ZRANB3: variants seen among roughly 807,000 people sequenced by gnomAD.
The protein encoded by ZRANB3 is zinc finger RANBP2-type containing 3.
In ZRANB3, 125 loss-of-function variants were observed where a neutral mutation model predicts 133.8. That is an observed-to-expected ratio of 0.93 (90% CI 0.81 to 1.08). The LOEUF (loss-of-function observed/expected upper bound fraction) is 1.08. ZRANB3 is among the 50% of genes least tolerant of loss of function. The probability of loss-of-function intolerance (pLI) is 0.00; values close to 1 mark genes in which losing one functional copy is unlikely to be tolerated. For synonymous variants in ZRANB3, 387 were observed against 432.7 expected (o/e 0.89, Z 1.31); for missense variants, 1,229 against 1,275.5 (o/e 0.96, Z 0.56).
At chr2:135,332,511 G>C (rs943041842) in intron 6 of ZRANB3, among the ~76,000 whole-genome samples, 4 of 152,058 alleles carry the variant, frequency 2.6e-5, no homozygotes, top group African/African-American at 4.8e-5. Context: ...CTGAATATGA[G>C]ATTCCTCTCA....
chr2:135,256,575 G>A (rs1452207452), intron 12 of ZRANB3, among the ~76,000 whole-genome samples: 6 of 152,186 alleles, frequency 3.9e-5, no homozygotes, highest in Non-Finnish European at 8.8e-5. Flanking sequence ...TGACCCACCC[G>A]CCTCAGTCTC....
At chr2:135,430,010 A>G (rs991120169) in intron 2 of ZRANB3, among the ~76,000 whole-genome samples, 10 of 151,954 alleles carry the variant, frequency 6.6e-5, no homozygotes, top group Non-Finnish European at 1.0e-4. Flanking sequence ...GTCTCTACAA[A>G]AAATTCTTAA....
chr2:135,280,156 G>T (rs982359128), intron 8 of ZRANB3, among the ~76,000 whole-genome samples: 9 of 152,114 alleles, frequency 5.9e-5, no homozygotes, highest in African/African-American at 2.2e-4. Flanking sequence ...AGAAGTTGCA[G>T]AAAATGCATG....
At chr2:135,438,763 C>T (rs756946658) in intron 2 of ZRANB3, among the ~76,000 whole-genome samples, 110 of 152,238 alleles carry the variant, frequency 7.2e-4, no homozygotes, top group Non-Finnish European at 1.2e-3. Flanking sequence ...AGTCCATGTT[C>T]TTAAATCTCA....
intron 2 of ZRANB3, among the ~76,000 whole-genome samples, chr2:135,396,072 G>GT (rs1290808469): frequency 6.6e-6 from 1 of 152,198 alleles, no homozygotes; most frequent in Non-Finnish European, 1.5e-5. Flanking sequence ...ATGAAAATGT[G>GT]CTCGACAGCA....
intron 3 of ZRANB3, among the ~76,000 whole-genome samples, chr2:135,382,531 C>T (rs1234720897): frequency 6.6e-6 from 1 of 152,134 alleles, no homozygotes; most frequent in Admixed American, 6.6e-5. Context: ...AACTCCAAGA[C>T]ACATAATTGT....
chr2:135,297,872 A>G (rs1049422631), intron 8 of ZRANB3, among the ~76,000 whole-genome samples: 2 of 152,050 alleles, frequency 1.3e-5, no homozygotes, highest in Admixed American at 6.5e-5. Context: ...AGAAGTTATG[A>G]TTGTCTTTTC....
intron 2 of ZRANB3, among the ~76,000 whole-genome samples, chr2:135,401,113 C>T (rs886856551): frequency 5.3e-5 from 8 of 152,088 alleles, no homozygotes; most frequent in African/African-American, 9.7e-5. Context: ...TGAGTAAATA[C>T]GTTTTTACAA....
At chr2:135,426,871 T>C (rs1428897665) in intron 2 of ZRANB3, among the ~76,000 whole-genome samples, 1 of 20,006 alleles carries the variant, frequency 5.0e-5, no homozygotes, top group African/African-American at 5.8e-4. Context: ...AAAATATATA[T>C]ATATATATAT....
At chr2:135,269,908 CTTTT>C (rs1245913364) in intron 10 of ZRANB3, among the ~76,000 whole-genome samples, 1 of 152,018 alleles carries the variant, frequency 6.6e-6, no homozygotes, top group African/African-American at 2.4e-5. Flanking sequence ...AAATATCTGC[CTTTT>C]TTTGAGTATT....
At chr2:135,288,172 C>T (rs970093516) in intron 8 of ZRANB3, among the ~76,000 whole-genome samples, 1 of 152,126 alleles carries the variant, frequency 6.6e-6, no homozygotes, top group Non-Finnish European at 1.5e-5. Flanking sequence ...AATGCCTTTT[C>T]TGCATCTATT....
intron 2 of ZRANB3, among the ~76,000 whole-genome samples, chr2:135,430,760 A>G (rs1689287364): frequency 6.6e-6 from 1 of 152,216 alleles, no homozygotes; most frequent in Non-Finnish European, 1.5e-5. Flanking sequence ...AATCATCCAT[A>G]TATGGTCAAA....
At chr2:135,238,824 T>C (rs1050348478) in intron 12 of ZRANB3, 1 of 152,204 alleles carries the variant, frequency 6.6e-6, no homozygotes, top group African/African-American at 2.4e-5. Flanking sequence ...AATCCTGCGG[T>C]GTTCCAGTTG....
chr2:135,454,815 C>T (rs188840838), intron 2 of ZRANB3, among the ~76,000 whole-genome samples: 3 of 152,184 alleles, frequency 2.0e-5, no homozygotes, highest in Non-Finnish European at 4.4e-5. Context: ...ATACATACCA[C>T]ACTTACTTTA....
intron 12 of ZRANB3, among the ~76,000 whole-genome samples, chr2:135,244,173 GAAC>G (rs902392898): frequency 2.0e-5 from 3 of 149,152 alleles, no homozygotes; most frequent in African/African-American, 7.5e-5. Flanking sequence ...CAACAAAACA[GAAC>G]AACAAAGAAG....
intron 3 of ZRANB3, among the ~76,000 whole-genome samples, chr2:135,360,966 TG>T (rs991434337): frequency 6.6e-6 from 1 of 151,804 alleles, no homozygotes; most frequent in Non-Finnish European, 1.5e-5. Context: ...TTTGTAGAGA[TG>T]GGGGGGTCTC....
intron 6 of ZRANB3, among the ~76,000 whole-genome samples, chr2:135,341,147 G>C (rs1684638851): frequency 6.7e-6 from 1 of 149,524 alleles, no homozygotes; most frequent in African/African-American, 2.6e-5. Context: ...CTGCCTCAGA[G>C]TAGCTGGGAC....
At chr2:135,324,326 G>A (rs1242653916) in intron 6 of ZRANB3, among the ~76,000 whole-genome samples, 1 of 150,738 alleles carries the variant, frequency 6.6e-6, no homozygotes, top group Non-Finnish European at 1.5e-5. Context: ...GTGAGAATAT[G>A]CGATGTTTGG....
intron 12 of ZRANB3, among the ~76,000 whole-genome samples, chr2:135,262,797 TAA>T (rs968440918): frequency 7.4e-6 from 1 of 135,396 alleles, no homozygotes; most frequent in Non-Finnish European, 1.6e-5. Flanking sequence ...AAATAAGAAT[TAA>T]AAAAAAAAAA....
Sources: allele counts gnomAD v4.1 joint callset (sites outside exome capture counted in the v4.1 genomes callset), GRCh38; gene constraint gnomAD v4.1.1; transcripts MANE v1.5; gene names NCBI Gene and HGNC (gene_info 2026-07-23, HGNC 2026-07-21).